JMJD1C: variants seen among roughly 807,000 people sequenced by gnomAD.
JMJD1C encodes the protein jumonji domain-containing protein 1C.
JMJD1C carries 31 observed loss-of-function variants against 245.3 expected under a neutral mutation model. The ratio of observed to expected loss-of-function variants is 0.13; its 90% confidence interval spans 0.09 to 0.17. The LOEUF is 0.17. Ranked by LOEUF, JMJD1C falls within the 10% of genes least tolerant of loss-of-function variation. The pLI is 1.00. For missense variants in JMJD1C, 2,691 were observed against 3,000.2 expected (o/e 0.90, Z 2.41); for synonymous variants, 1,057 against 1,017.4 (o/e 1.04, Z -0.74).
At chr10:63,254,152 A>C (rs4469770) in intron 3 of JMJD1C, among the ~76,000 whole-genome samples, 1 of 151,890 alleles carries the variant, frequency 6.6e-6, no homozygotes, top group Admixed American at 6.6e-5. Context: ...AGCTTTGAGC[A>C]AATCTAGGTA....
chr10:63,492,446 A>T (rs991462289), intron 1 of JMJD1C, among the ~76,000 whole-genome samples: 19 of 152,324 alleles, frequency 1.2e-4, no homozygotes, highest in Middle Eastern at 3.4e-3. Context: ...TTGGTGGATC[A>T]CTTGAGGTCA....
Position 63,513,121 on chromosome 10 carries a change from A to AT in JMJD1C, n.113+8616dup, listed in dbSNP as rs967584710. On this transcript the variant is annotated intron_variant and non_coding_transcript_variant, in intron 1 of 3. Transcript: ENST00000633035. ...AAAGCCTTTTGCATGTTAATCCTATATTTTTTTTAATTCATAGCCTAGAAA... is the reference window on the plus strand; with the variant it reads ...AAAGCCTTTTGCATGTTAATCCTATATTTTTTTTTAATTCATAGCCTAGAAA... Among the ~76,000 whole-genome samples the AT allele has an allele frequency of 3.2e-4, 48 of 151,768 alleles. 1 individual carries two copies. Among genetic ancestry groups the AT allele is most frequent in the African/African-American group, 9.7e-4 (40 of 41,358 alleles).
intron 1 of JMJD1C, among the ~76,000 whole-genome samples, chr10:63,406,364 A>G (rs1056458111): frequency 6.6e-6 from 1 of 152,198 alleles, no homozygotes; most frequent in African/African-American, 2.4e-5. Context: ...GTTTCTAATA[A>G]GCAATTTTGG....
chr10:63,517,995 A>C (rs765186860), intron 1 of JMJD1C, among the ~76,000 whole-genome samples: 3 of 152,054 alleles, frequency 2.0e-5, no homozygotes, highest in African/African-American at 4.8e-5. Flanking sequence ...GTCTTGCCAC[A>C]TTGGCCAGGA....
chr10:63,197,181 T>G (rs1310794806), intron 13 of JMJD1C, among the ~76,000 whole-genome samples: 1 of 152,076 alleles, frequency 6.6e-6, no homozygotes, highest in Non-Finnish European at 1.5e-5. Flanking sequence ...CTGACTGAAA[T>G]GAGAAGATGG....
chr10:63,231,643 A>G (rs1023972048), intron 3 of JMJD1C, among the ~76,000 whole-genome samples: 1 of 151,910 alleles, frequency 6.6e-6, no homozygotes, highest in Non-Finnish European at 1.5e-5. Context: ...AAAACACATA[A>G]ATTAGTTGAA....
intron 3 of JMJD1C, among the ~76,000 whole-genome samples, chr10:63,226,401 T>A (rs1262560374): frequency 6.6e-6 from 1 of 152,042 alleles, no homozygotes; most frequent in Non-Finnish European, 1.5e-5. Context: ...AATAAAGGTA[T>A]TTTTTCACGT....
chr10:63,346,285 AAAAT>A (rs1278962134), intron 2 of JMJD1C, among the ~76,000 whole-genome samples: 2 of 152,202 alleles, frequency 1.3e-5, no homozygotes, highest in East Asian at 3.8e-4. Flanking sequence ...AGAAGCAACT[AAAAT>A]AAAGCCATGA....
At chr10:63,424,060 T>C (rs1486973329) in intron 1 of JMJD1C, among the ~76,000 whole-genome samples, 1 of 151,820 alleles carries the variant, frequency 6.6e-6, no homozygotes, top group Non-Finnish European at 1.5e-5. Context: ...CATATGATTG[T>C]GTGTATTTTT....
intron 1 of JMJD1C, among the ~76,000 whole-genome samples, chr10:63,445,862 ATTTTTTTTTT>A (rs56316223): frequency 5.3e-5 from 4 of 75,714 alleles, no homozygotes; most frequent in Non-Finnish European, 8.9e-5. Context: ...TGGGATCTGA[ATTTTTTTTTT>A]TTTTTTTTTT....
At chr10:63,180,797 C>G (rs1302772630) in intron 22 of JMJD1C, among the ~76,000 whole-genome samples, 1 of 145,284 alleles carries the variant, frequency 6.9e-6, no homozygotes. Context: ...GAGACGGAGT[C>G]TCGCTCTGTC....
intron 1 of JMJD1C, among the ~76,000 whole-genome samples, chr10:63,437,405 T>C (rs749498811): frequency 6.6e-6 from 1 of 152,202 alleles, no homozygotes; most frequent in Non-Finnish European, 1.5e-5. Context: ...CCTAGCTACC[T>C]ACAGCTATTC....
intron 1 of JMJD1C, among the ~76,000 whole-genome samples, chr10:63,453,888 A>G (rs1346399243): frequency 1.3e-5 from 2 of 151,926 alleles, no homozygotes; most frequent in African/African-American, 2.4e-5. Flanking sequence ...ACACCCGGCT[A>G]ATTTTTGTAT....
At chr10:63,289,584 CTTGA>C (rs1589395181) in intron 2 of JMJD1C, among the ~76,000 whole-genome samples, 1 of 152,272 alleles carries the variant, frequency 6.6e-6, no homozygotes, top group East Asian at 1.9e-4. Context: ...ACAAGCTCTA[CTTGA>C]TTGTTTGCAT....
chr10:63,172,020 TGTC>T (rs1304540099), intron 24 of JMJD1C, among the ~76,000 whole-genome samples: 1 of 152,214 alleles, frequency 6.6e-6, no homozygotes, highest in Non-Finnish European at 1.5e-5. Flanking sequence ...GCTGTGTTGT[TGTC>T]ATTACACCCC....
At chr10:63,215,774 G>A (rs901458825) in intron 5 of JMJD1C, 78 bp from the exon 6 acceptor site, 10 of 1,010,294 alleles carry the variant, frequency 9.9e-6, no homozygotes, top group African/African-American at 9.7e-5. Context: ...TCTTTACTCA[G>A]TAGAAATGTT....
chr10:63,349,100 CAAAAAAAAAAAAAA>C, intron 2 of JMJD1C, among the ~76,000 whole-genome samples: 1 of 34,866 alleles, frequency 2.9e-5, no homozygotes, highest in Non-Finnish European at 4.7e-5. Context: ...GACTCTGTCT[CAAAAAAAAAAAAAA>C]AAAAAAAAAA....
chr10:63,287,636 G>A (rs1383154947), intron 2 of JMJD1C, among the ~76,000 whole-genome samples: 1 of 152,160 alleles, frequency 6.6e-6, no homozygotes, highest in Non-Finnish European at 1.5e-5. Context: ...TTCTAGAGCA[G>A]AGGATCTCAT....
At chr10:63,251,554 G>T (rs1348193227) in intron 3 of JMJD1C, among the ~76,000 whole-genome samples, 1 of 152,116 alleles carries the variant, frequency 6.6e-6, no homozygotes, top group African/African-American at 2.4e-5. Context: ...GAATTAGACT[G>T]GACTGAAAGG....
Sources: gnomAD v4.1 joint callset for allele counts (sites outside exome capture counted in the v4.1 genomes callset) on GRCh38, gnomAD v4.1.1 for gene constraint, MANE v1.5 for transcripts, NCBI Gene and HGNC (gene_info 2026-07-23, HGNC 2026-07-21) for gene names.